The following DPF3 variants were observed in gnomAD, a reference collection of about 807,000 sequenced individuals.
The protein encoded by DPF3 is zinc finger protein DPF3.
Under a neutral mutation model 56.8 loss-of-function variants are expected in DPF3, and 18 were observed. The ratio of observed to expected loss-of-function variants is 0.32; its 90% CI spans 0.22 to 0.47. DPF3 has a LOEUF of 0.47. Ranked by LOEUF, DPF3 falls within the 20% of genes least tolerant of loss-of-function variation. The pLI, the probability that DPF3 is intolerant of heterozygous loss-of-function variation, is 1.00. For synonymous variants in DPF3, 188 were observed against 180.2 expected (o/e 1.04, Z -0.35); for missense variants, 403 against 488.8 (o/e 0.82, Z 1.65).
At chr14:72,756,833 AAAGAAAGAAAG>A (rs1490916410) in intron 2 of DPF3, among the ~76,000 whole-genome samples, 1 of 103,220 alleles carries the variant, frequency 9.7e-6, no homozygotes, top group African/African-American at 3.9e-5. Context: ...AGAAAGAAAG[AAAGAAAGAAAG>A]AAAGAAAGAA....
At chr14:72,675,552 C>T (rs370120274) in intron 7 of DPF3, 1 of 152,162 alleles carries the variant, frequency 6.6e-6, no homozygotes, top group Admixed American at 6.5e-5. Context: ...AGCAGAAATA[C>T]CATCCAGACA....
At chr14:72,855,755 A>G (rs1369392299) in intron 1 of DPF3, among the ~76,000 whole-genome samples, 1 of 152,182 alleles carries the variant, frequency 6.6e-6, no homozygotes, top group Non-Finnish European at 1.5e-5. Context: ...TAACCCACAT[A>G]TAAGTTCCAT....
At chr14:72,874,253 C>T (rs1886021235) in intron 1 of DPF3, among the ~76,000 whole-genome samples, 1 of 151,518 alleles carries the variant, frequency 6.6e-6, no homozygotes, top group Non-Finnish European at 1.5e-5. Flanking sequence ...CCAAGATGGG[C>T]AGATCACGGG....
At chr14:72,785,902 G>A (rs1193976852) in intron 1 of DPF3, among the ~76,000 whole-genome samples, 8 of 152,174 alleles carry the variant, frequency 5.3e-5, no homozygotes, top group Non-Finnish European at 1.2e-4. Flanking sequence ...AAACTAAAGG[G>A]TCAGATTAAA....
chr14:72,661,604 G>A (rs1014893356), intron 8 of DPF3: 91 of 985,424 alleles, frequency 9.2e-5, no homozygotes, highest in Non-Finnish European at 1.0e-4. Context: ...ACATCCCATC[G>A]GCCAAAACGC....
At chr14:72,679,632 C>T (rs914725235) in intron 7 of DPF3, among the ~76,000 whole-genome samples, 7 of 152,250 alleles carry the variant, frequency 4.6e-5, no homozygotes, top group Non-Finnish European at 1.0e-4. Context: ...TGACAGTTCC[C>T]GTGTCCCTCT....
At chr14:72,693,977 G>A (rs935264602) in intron 6 of DPF3, among the ~76,000 whole-genome samples, 1 of 152,208 alleles carries the variant, frequency 6.6e-6, no homozygotes, top group Non-Finnish European at 1.5e-5. Context: ...GATGCCCCAG[G>A]GCAGCCAAAT....
chr14:72,836,474 G>A, intron 1 of DPF3: 24 of 985,602 alleles, frequency 2.4e-5, no homozygotes, highest in Non-Finnish European at 2.7e-5. Flanking sequence ...GGGAGAAGGA[G>A]CGCAATGAAA....
At chr14:72,690,077 G>C (rs1183931768) in intron 7 of DPF3, among the ~76,000 whole-genome samples, 1 of 152,120 alleles carries the variant, frequency 6.6e-6, no homozygotes, top group Non-Finnish European at 1.5e-5. Flanking sequence ...GGGTGAGAAA[G>C]AGAAAAAGGG....
chr14:72,698,723 T>C (rs928850834), intron 6 of DPF3, among the ~76,000 whole-genome samples: 3 of 152,064 alleles, frequency 2.0e-5, no homozygotes, highest in Non-Finnish European at 4.4e-5. Context: ...TATGGTTTAG[T>C]AGGTTTGGTA....
At chr14:72,632,004 A>G (rs994698766) in intron 8 of DPF3, among the ~76,000 whole-genome samples, 5 of 152,220 alleles carry the variant, frequency 3.3e-5, no homozygotes, top group Non-Finnish European at 7.3e-5. Context: ...GAAGCAGCTT[A>G]GCAAATTACA....
chr14:72,797,011 A>G (rs1173266532), intron 1 of DPF3, among the ~76,000 whole-genome samples: 1 of 152,138 alleles, frequency 6.6e-6, no homozygotes, highest in Non-Finnish European at 1.5e-5. Flanking sequence ...AAGTAAAACT[A>G]CCTTCCTGTG....
At position 72,760,971 on chromosome 14, in the gene DPF3, T is replaced by C. The variant is rs143372178; in HGVS notation, c.194-7600A>G. On this transcript the variant is annotated intron_variant, in intron 2 of 10. Coordinates refer to ENST00000556509, the MANE Select transcript of DPF3 (RefSeq NM_001280542.3). The stretch of plus-strand genomic sequence containing the variant: ...AAAGGAGATTTCAGATAAAATAATA[T>C]TAATAGAGATTAAGAGGATTATTTT... 6.3e-3 allele frequency among the ~76,000 whole-genome samples: 953 copies of C among 152,114 alleles called. 11 individuals are homozygous for C. Among genetic ancestry groups the C allele is most frequent in the African/African-American group, 0.022 (918 of 41,562 alleles).
At chr14:72,714,196 G>A (rs1257551538) in intron 6 of DPF3, among the ~76,000 whole-genome samples, 1 of 152,208 alleles carries the variant, frequency 6.6e-6, no homozygotes, top group Admixed American at 6.5e-5. Context: ...CTGAGGGTGG[G>A]GGCCACCCCA....
intron 1 of DPF3, among the ~76,000 whole-genome samples, chr14:72,866,428 G>A (rs114545882): frequency 0.014 from 2,116 of 150,832 alleles, 92 homozygotes; most frequent in African/African-American, 0.048. Context: ...GACCTGGCTG[G>A]TGTTCTCACT....
chr14:72,713,826 C>T (rs780559411), intron 6 of DPF3, among the ~76,000 whole-genome samples: 8 of 152,310 alleles, frequency 5.3e-5, no homozygotes, highest in East Asian at 3.9e-4. Context: ...TCTGTCTGCA[C>T]GCCCTAAACT....
chr14:72,713,147 C>A (rs533616936), intron 6 of DPF3, among the ~76,000 whole-genome samples: 2 of 152,344 alleles, frequency 1.3e-5, no homozygotes, highest in South Asian at 4.1e-4. Context: ...TGCCAAAAGG[C>A]ATCAGACCCC....
intron 1 of DPF3, among the ~76,000 whole-genome samples, chr14:72,781,279 C>T (rs1413821239): frequency 6.6e-6 from 1 of 152,198 alleles, no homozygotes; most frequent in African/African-American, 2.4e-5. Context: ...ACAAAATTGC[C>T]AAAAGCCCTG....
intron 1 of DPF3, among the ~76,000 whole-genome samples, chr14:72,824,777 G>A (rs1032820078): frequency 1.3e-5 from 2 of 152,006 alleles, no homozygotes; most frequent in Non-Finnish European, 2.9e-5. Context: ...TCACCATGTT[G>A]GCCAGGCTGG....
Sources: allele counts gnomAD v4.1 joint callset (sites outside exome capture counted in the v4.1 genomes callset), GRCh38; gene constraint gnomAD v4.1.1; transcripts MANE v1.5; gene names NCBI Gene and HGNC (gene_info 2026-07-23, HGNC 2026-07-21).